The following RNF19A variants were observed in gnomAD, a reference collection of about 807,000 sequenced individuals.
RNF19A encodes ring finger protein 19A, RBR E3 ubiquitin protein ligase, also known as E3 ubiquitin-protein ligase RNF19A.
A neutral mutation model predicts 75.7 loss-of-function variants in RNF19A; 32 were observed. That is an observed-to-expected ratio of 0.42 (90% CI 0.32 to 0.57). RNF19A has a LOEUF of 0.57. RNF19A is among the 20% of genes least tolerant of loss of function. The pLI, the probability that RNF19A is intolerant of heterozygous loss-of-function variation, is 0.10. For missense variants in RNF19A, 782 were observed against 1,036.3 expected, an observed-to-expected ratio of 0.75 and a Z score of 3.37; for synonymous variants, 335 against 345.2, an observed-to-expected ratio of 0.97 and a Z score of 0.33.
intron 1 of RNF19A, among the ~76,000 whole-genome samples, chr8:100,308,825 C>A (rs973688440): frequency 6.6e-6 from 1 of 152,218 alleles, no homozygotes; most frequent in African/African-American, 2.4e-5. Context: ...AAAATTGCAA[C>A]GGCACTTAAA....
chr8:100,314,654 G>T (rs1453595985), upstream of RNF19A, among the ~76,000 whole-genome samples: 1 of 152,026 alleles, frequency 6.6e-6, no homozygotes, highest in African/African-American at 2.4e-5. The surrounding 1 kb of genome is among the most constrained non-coding windows in gnomAD (Gnocchi z 4.1). Context: ...ACCTAGCTTT[G>T]CAGATGCTAC....
At chr8:100,316,121 G>A (rs1014016817) in intron 1 of RNF19A, among the ~76,000 whole-genome samples, 1 of 152,106 alleles carries the variant, frequency 6.6e-6, no homozygotes. Context: ...GCTGGCTCAG[G>A]AGTAAAGCTG....
rs760245590 is a variant in RNF19A at position 100,258,629 on chromosome 8, G to C, written c.2444C>G (p.Ala815Gly). The C allele has an allele frequency of 1.9e-6, 3 of 1,613,956 alleles. No homozygotes were observed. Among genetic ancestry groups the C allele is most frequent in the Non-Finnish European group, 2.5e-6 (3 of 1,179,914 alleles). Residue 815 changes from alanine to glycine, a missense_variant, in exon 10 of 10, where the codon GCA becomes GGA. Physicochemically the swap from Ala to Gly is moderately conservative, Grantham distance 60 (BLOSUM62 0). This residue lies in a region of RNF19A where 442 missense variants were observed against 541.6 expected (regional missense o/e 0.82). Transcript: ENST00000341084. The surrounding 1 kb of genome is among the most constrained non-coding windows in gnomAD (Gnocchi z 4.3). ...KPNVDLYFGD[A>G]LKETNNNHSH... ...GTGGTTGTTATTTGTTTCTTTTAGT[G>C]CATCGCCAAAATATAAATCAACATT...
At position 100,260,189 on chromosome 8, in the gene RNF19A, G is replaced by A; in HGVS notation, c.1683-192C>T. On this transcript the variant is annotated intron_variant, in intron 8 of 9. Coordinates refer to ENST00000341084, the MANE Select transcript of RNF19A (RefSeq NM_183419.4). This position sits in a 1 kb window ranked among gnomAD's most constrained non-coding sequence, Gnocchi z 4.1. ...TAGTACCAGCCATCCAAATAAAATG[G>A]GGAACATCAGCTGTCTGCCAAGTAA... The A allele has an allele frequency of 1.9e-6, 1 of 520,086 alleles. No homozygotes were observed. The highest frequency in any genetic ancestry group is 3.3e-6 in the Non-Finnish European group (1 of 302,534). 32.2% of individuals were successfully genotyped at this position (520,086 alleles called of 1,614,324 possible).
In RNF19A at chr8:100,287,590, A is replaced by G; in HGVS notation, c.585T>C (p.Asp195=). The change falls in exon 2 of 10, where the codon GAT becomes GAC. Residue 195 remains aspartate, a synonymous_variant. Coordinates refer to ENST00000341084, the MANE Select transcript of RNF19A (RefSeq NM_183419.4). The surrounding 1 kb of genome is among the most constrained non-coding windows in gnomAD (Gnocchi z 4.1). ...PHDIRLILSD[D]VLMEKYEEFM... ...ATTCTTCGTATTTTTCCATCAAGAC[A>G]TCATCACTTAATATCAAGCGAATAT... is the stretch of plus-strand genomic sequence containing the variant. 6.2e-7 allele frequency: 1 copy of G among 1,614,162 alleles called. No individual in the cohort carries two copies. Among genetic ancestry groups the G allele is most frequent in the South Asian group, 1.1e-5 (1 of 91,084 alleles).
chr8:100,264,086 A>G lies in RNF19A; in HGVS notation c.1416T>C (p.Ile472=), dbSNP rs948564514. The G allele has an allele frequency of 1.7e-5, 27 of 1,613,678 alleles. No individual in the cohort carries two copies. The highest frequency in any genetic ancestry group is 6.7e-5 in the Admixed American group (4 of 59,958). ...TTATATCATTTTCATCATCAAATTC[A>G]ATCCTAACTCCTTTTCCATTGCCTG... ...VSAGNGKGVR[I]EFDDENDINV... The change falls in exon 7 of 10, where the codon ATT becomes ATC. Residue 472 remains isoleucine, a synonymous_variant. Coordinates refer to ENST00000341084, the MANE Select transcript of RNF19A (RefSeq NM_183419.4). This position sits in a 1 kb window ranked among gnomAD's most constrained non-coding sequence, Gnocchi z 4.7.
intron 1 of RNF19A, among the ~76,000 whole-genome samples, chr8:100,291,966 T>A (rs1821315810): frequency 8.8e-6 from 1 of 114,092 alleles, no homozygotes; most frequent in Admixed American, 8.8e-5. Context: ...GAGGACTAAG[T>A]CTTTTTTTTT....
upstream of RNF19A, chr8:100,310,047 C>T: frequency 1.0e-6 from 1 of 985,570 alleles, no homozygotes; most frequent in Non-Finnish European, 1.2e-6. Context: ...CCGAACTCCT[C>T]CTCCGCAGTT....
chr8:100,318,863 G>C (rs1347500510), intron 1 of RNF19A, among the ~76,000 whole-genome samples: 1 of 152,206 alleles, frequency 6.6e-6, no homozygotes, highest in Non-Finnish European at 1.5e-5. Context: ...GAAGAATGGT[G>C]GTTGGGGGAA....
chr8:100,278,823 G>A (rs905198537), intron 2 of RNF19A, among the ~76,000 whole-genome samples: 2 of 152,000 alleles, frequency 1.3e-5, no homozygotes, highest in African/African-American at 4.8e-5. Context: ...TTCTTGACAA[G>A]AAGAATTAAA....
In RNF19A at chr8:100,258,358, T is replaced by C. The variant is rs1485003838; in HGVS notation, c.*198A>G. Reference sequence around the variant, plus strand: ...ATTTATTATCCTTAAAATAATGCACTTTTAAAGCCTTCACTTCATAGTTTG... The same window carrying C: ...ATTTATTATCCTTAAAATAATGCACCTTTAAAGCCTTCACTTCATAGTTTG... On this transcript the variant is annotated 3_prime_UTR_variant, in exon 10 of 10. Transcript: ENST00000341084. This position sits in a 1 kb window ranked among gnomAD's most constrained non-coding sequence, Gnocchi z 4.3. 3 of 520,428 alleles carry C rather than the reference T, an allele frequency of 5.8e-6. No individual in the cohort carries two copies. Among genetic ancestry groups the C allele is most frequent in the Non-Finnish European group, 1.0e-5 (3 of 297,502 alleles). The allele number at this position is 520,428 out of a possible 1,614,324, so 32.2% of individuals were successfully genotyped here.
rs1368670610 is a variant in RNF19A at position 100,257,325 on chromosome 8, C to A, written c.*1231G>T. On this transcript the variant is annotated 3_prime_UTR_variant, in exon 10 of 10. Transcript: ENST00000341084. ...CTTAAAAGAAATACATAAGATAGAA[C>A]ATTTTAACTGCTATCATTGAGGTTA... 6.6e-6 allele frequency: 1 copy of A among 152,038 alleles called. No individual in the cohort carries two copies. The highest frequency in any genetic ancestry group is 1.5e-5 in the Non-Finnish European group (1 of 68,004). The allele number at this position is 152,038 out of a possible 1,614,324, so 9.4% of individuals were successfully genotyped here.
chr8:100,292,435 G>GGGGTGTGTGTGTGT (rs137938989), intron 1 of RNF19A, among the ~76,000 whole-genome samples: 221 of 145,428 alleles, frequency 1.5e-3, no homozygotes, highest in African/African-American at 5.1e-3. Context: ...CTATCATATG[G>GGGGTGTGTGTGTGT]GTGTGTGTGT....
rs1334749597 is a variant in RNF19A at position 100,275,734 on chromosome 8, A to G, written c.675-573T>C. ...TTAATTTTCTTGTTTATATGTTTAT[A>G]CATTTCTGATTTTCTACAATTACTT... On this transcript the variant is annotated intron_variant, in intron 2 of 9. Transcript: ENST00000341084. This position sits in a 1 kb window ranked among gnomAD's most constrained non-coding sequence, Gnocchi z 4.3. 6.6e-6 allele frequency among the ~76,000 whole-genome samples: 1 copy of G among 152,198 alleles called. No homozygotes were observed. Among genetic ancestry groups the G allele is most frequent in the Non-Finnish European group, 1.5e-5 (1 of 68,032 alleles).
At chr8:100,319,520 C>T (rs1338497950) in intron 1 of RNF19A, among the ~76,000 whole-genome samples, 1 of 146,342 alleles carries the variant, frequency 6.8e-6, no homozygotes, top group Non-Finnish European at 1.5e-5. Context: ...TTTTACCTAT[C>T]TGGTTCACTT....
At position 100,309,671 on chromosome 8, in the gene RNF19A, C is replaced by A. The variant is rs1425652320; in HGVS notation, c.-94+196G>T. ...GACCCGGAGCTGACCGAGGCCTGAC[C>A]CCCTAAGCCGGCCACGGCCCCGAGC... is the stretch of plus-strand genomic sequence containing the variant. On this transcript the variant is annotated intron_variant, in intron 1 of 9. Transcript: ENST00000341084. 4.3e-6 allele frequency: 4 copies of A among 933,964 alleles called. No individual in the cohort carries two copies. In the African/African-American group the frequency reaches 7.1e-5, roughly 17 times the overall value. 57.9% of individuals were successfully genotyped at this position (933,964 alleles called of 1,614,324 possible). A position where few individuals can be genotyped will look rare whatever the true frequency, so the allele number is the denominator to read the frequency against.
Position 100,287,651 on chromosome 8 carries a change from C to T in RNF19A, c.524G>A (p.Ser175Asn), listed in dbSNP as rs1821086004. ...AAACCGTTCAGTACATTCTGGGCAACTAATATTAACTCTGCTTTCAGAGAT... is the reference window on the plus strand; with the variant it reads ...AAACCGTTCAGTACATTCTGGGCAATTAATATTAACTCTGCTTTCAGAGAT... ...IEISESRVNI[S>N]CPECTERFNP... is the part of the protein sequence containing the mutation. The change falls in exon 2 of 10, where the codon AGT (serine) becomes AAT (asparagine). Residue 175 changes from serine (S) to asparagine (N), a missense_variant. Physicochemically the swap from Ser to Asn is conservative, Grantham distance 46 (BLOSUM62 1). This residue lies in a region of RNF19A where 85 missense variants were observed against 177.7 expected (regional missense o/e 0.48). Transcript: ENST00000341084. The surrounding 1 kb of genome is among the most constrained non-coding windows in gnomAD (Gnocchi z 4.1). 6.2e-7 allele frequency: 1 copy of T among 1,614,106 alleles called. No individual in the cohort carries two copies. The highest frequency in any genetic ancestry group is 2.2e-5 in the East Asian group (1 of 44,872).
At chr8:100,308,355 T>C (rs1251927400) in intron 1 of RNF19A, among the ~76,000 whole-genome samples, 1 of 152,164 alleles carries the variant, frequency 6.6e-6, no homozygotes, top group Non-Finnish European at 1.5e-5. Flanking sequence ...ATTTGGTTTA[T>C]TAAGTCCCAA....
At position 100,329,345 on chromosome 8, in the gene RNF19A, C is replaced by T. The variant is rs1220321804; in HGVS notation, c.-243+6763G>A. Among the ~76,000 whole-genome samples the T allele has an allele frequency of 6.6e-6, 1 of 151,682 alleles. No individual in the cohort carries two copies. Reference sequence around the variant, plus strand: ...CATAGTTACAAAAGGCCTGACTTGGCAGCCATTCATGAGGGAAAAAAAAAA... The same window carrying T: ...CATAGTTACAAAAGGCCTGACTTGGTAGCCATTCATGAGGGAAAAAAAAAA... On this transcript the variant is annotated intron_variant, in intron 1 of 3. Transcript: ENST00000519527. This position sits in a 1 kb window ranked among gnomAD's most constrained non-coding sequence, Gnocchi z 4.3.
Sources: allele counts gnomAD v4.1 joint callset (sites outside exome capture counted in the v4.1 genomes callset), GRCh38; gene constraint gnomAD v4.1.1; regional missense constraint gnomAD v4.1.1; non-coding constraint Gnocchi (gnomAD v3.1); transcripts MANE v1.5; gene names NCBI Gene and HGNC (gene_info 2026-07-23, HGNC 2026-07-21).